The following HECW1 variants were observed in gnomAD, a reference collection of about 807,000 sequenced individuals.
The protein encoded by HECW1 is E3 ubiquitin-protein ligase HECW1.
Under a neutral mutation model 182.3 loss-of-function variants are expected in HECW1, and 61 were observed. That is an observed-to-expected ratio of 0.33 (90% confidence interval 0.27 to 0.41). The LOEUF (loss-of-function observed/expected upper bound fraction) is 0.41, where lower values mean the gene tolerates loss of function less well. Ranked by LOEUF, HECW1 falls within the 10% of genes least tolerant of loss-of-function variation. The probability of loss-of-function intolerance (pLI) is 1.00; values close to 1 mark genes in which losing one functional copy is unlikely to be tolerated. For synonymous variants in HECW1, 859 were observed against 832.6 expected, an observed-to-expected ratio of 1.03 and a Z score of -0.55; for missense variants, 1,739 against 2,108.9, an observed-to-expected ratio of 0.82 and a Z score of 3.44.
chr7:43,334,202 C>T (rs1206921457), intron 5 of HECW1, among the ~76,000 whole-genome samples: 3 of 152,170 alleles, frequency 2.0e-5, no homozygotes, highest in Non-Finnish European at 4.4e-5. Flanking sequence ...TTCTGTGCAT[C>T]TTATCTACCC....
At chr7:43,301,846 G>A (rs1806839019) in intron 3 of HECW1, among the ~76,000 whole-genome samples, 1 of 147,800 alleles carries the variant, frequency 6.8e-6, no homozygotes, top group Admixed American at 6.8e-5. Context: ...TTTCCTTCCA[G>A]CCTAGGCAAC....
At chr7:43,214,372 T>C (rs1179786664) in intron 2 of HECW1, among the ~76,000 whole-genome samples, 1 of 152,072 alleles carries the variant, frequency 6.6e-6, no homozygotes, top group Non-Finnish European at 1.5e-5. Context: ...AATATAAATA[T>C]CATAATAAAT....
chr7:43,158,345 A>C (rs1180685999), intron 2 of HECW1, among the ~76,000 whole-genome samples: 1 of 152,200 alleles, frequency 6.6e-6, no homozygotes, highest in Non-Finnish European at 1.5e-5. Context: ...GAATGCATTA[A>C]ATTTGTTTCT....
intron 24 of HECW1, chr7:43,512,182 C>G (rs1402108405): frequency 9.0e-6 from 2 of 223,352 alleles, no homozygotes; most frequent in Admixed American, 5.7e-5. Context: ...AACGGAGAAA[C>G]CAAAAGATTA....
intron 5 of HECW1, among the ~76,000 whole-genome samples, chr7:43,340,125 G>A (rs559614377): frequency 6.6e-6 from 1 of 151,986 alleles, no homozygotes; most frequent in East Asian, 1.9e-4. Context: ...GAAACATTTT[G>A]TTTTAAAATC....
intron 2 of HECW1, among the ~76,000 whole-genome samples, chr7:43,186,341 T>C (rs1388018343): frequency 6.6e-6 from 1 of 152,214 alleles, no homozygotes; most frequent in Non-Finnish European, 1.5e-5. Context: ...CAGTGAAAGA[T>C]GAACCTTGTG....
intron 3 of HECW1, among the ~76,000 whole-genome samples, chr7:43,251,633 T>C (rs1395201186): frequency 6.6e-6 from 1 of 152,208 alleles, no homozygotes; most frequent in African/African-American, 2.4e-5. Flanking sequence ...CTAGTTTCTT[T>C]CTACTTATTA....
chr7:43,117,558 C>T lies in HECW1; in HGVS notation c.-32+3167C>T, dbSNP rs569351509. Among the ~76,000 whole-genome samples, 94 of 152,104 alleles carry T rather than the reference C, an allele frequency of 6.2e-4. 1 individual carries two copies. The South Asian group carries it at 0.018, about 30-fold the overall frequency. On this transcript the variant is annotated intron_variant, in intron 2 of 29. Coordinates refer to ENST00000395891, the MANE Select transcript of HECW1 (RefSeq NM_015052.5). Reference sequence around the variant, plus strand: ...GACACAATGAGATATAGAAGCAGGTCGAATCTTTTAACGATATTGTTTATC... The same window carrying T: ...GACACAATGAGATATAGAAGCAGGTTGAATCTTTTAACGATATTGTTTATC...
chr7:43,428,762 A>C (rs2076439347), intron 8 of HECW1, among the ~76,000 whole-genome samples: 1 of 152,216 alleles, frequency 6.6e-6, no homozygotes, highest in Admixed American at 6.5e-5. Context: ...AAGTAGGCAC[A>C]AGAAGGTCAG....
chr7:43,444,529 C>G lies in HECW1; in HGVS notation c.1357C>G (p.Pro453Ala). 1 of 1,611,452 alleles carries G rather than the reference C, an allele frequency of 6.2e-7. No individual in the cohort carries two copies. The highest frequency in any genetic ancestry group is 8.5e-7 in the Non-Finnish European group (1 of 1,178,954). ...AQVQKDIQPA[P>A]SAEELAEQLD... ...GGTGCAAAAGGACATCCAGCCTGCCCCCAGTGCAGAAGAGCTGGCCGAGCA... is the reference window on the plus strand; with the variant it reads ...GGTGCAAAAGGACATCCAGCCTGCCGCCAGTGCAGAAGAGCTGGCCGAGCA... The change falls in exon 11 of 30, where the codon CCC becomes GCC. Residue 453 changes from proline (P) to alanine (A), a missense_variant. Physicochemically the swap from Pro to Ala is conservative, Grantham distance 27. Coordinates refer to ENST00000395891, the MANE Select transcript of HECW1 (RefSeq NM_015052.5). The surrounding 1 kb of genome is among the most constrained non-coding windows in gnomAD (Gnocchi z 4.3).
intron 3 of HECW1, among the ~76,000 whole-genome samples, chr7:43,289,742 G>T (rs1805146763): frequency 6.6e-6 from 1 of 152,230 alleles, no homozygotes; most frequent in Admixed American, 6.5e-5. Context: ...TCCTGAGAAA[G>T]TGTGGCCCAG....
rs547061760 is a variant in HECW1 at position 43,183,596 on chromosome 7, A to G, written c.-31-60279A>G. Among the ~76,000 whole-genome samples the G allele has an allele frequency of 5.3e-5, 8 of 152,296 alleles. 1 individual carries two copies. Among genetic ancestry groups the G allele is most frequent in the African/African-American group, 1.9e-4 (8 of 41,572 alleles). On this transcript the variant is annotated intron_variant, in intron 2 of 29. Coordinates refer to ENST00000395891, the MANE Select transcript of HECW1 (RefSeq NM_015052.5). ...TAGCACACAGTTTAAAAATAATAAA[A>G]TATAAAATCTTCTTTATATAAATTC...
At chr7:43,264,737 C>G (rs1378202909) in intron 3 of HECW1, among the ~76,000 whole-genome samples, 2 of 150,864 alleles carry the variant, frequency 1.3e-5, no homozygotes, top group South Asian at 2.1e-4. Flanking sequence ...TCAGTTACTC[C>G]GGTGGCTGAG....
intron 26 of HECW1, among the ~76,000 whole-genome samples, chr7:43,543,914 G>T (rs1167145016): frequency 1.3e-5 from 2 of 151,988 alleles, no homozygotes; most frequent in Non-Finnish European, 2.9e-5. Flanking sequence ...ATGCCCTATT[G>T]TAGAGGGTAA....
intron 2 of HECW1, among the ~76,000 whole-genome samples, chr7:43,209,891 T>G (rs974357927): frequency 2.0e-5 from 3 of 152,184 alleles, no homozygotes; most frequent in Non-Finnish European, 4.4e-5. Flanking sequence ...CGAGGTCATC[T>G]GCCGTGCCCA....
intron 3 of HECW1, among the ~76,000 whole-genome samples, chr7:43,280,644 T>C (rs1156587030): frequency 2.0e-5 from 3 of 152,126 alleles, no homozygotes; most frequent in Non-Finnish European, 4.4e-5. Context: ...CTCGTGATAA[T>C]CCCAGTACAA....
At chr7:43,173,980 G>A (rs1791962046) in intron 2 of HECW1, among the ~76,000 whole-genome samples, 1 of 152,032 alleles carries the variant, frequency 6.6e-6, no homozygotes, top group Admixed American at 6.6e-5. Flanking sequence ...TGGGACTACA[G>A]GCATGCACCA....
chr7:43,492,209 G>A (rs2078958719), intron 18 of HECW1, 29 bp downstream of exon 18: 2 of 1,497,050 alleles, frequency 1.3e-6, no homozygotes, highest in East Asian at 2.3e-5. Context: ...TGAGCCCCTG[G>A]CTCAAAGAAT....
rs75913026 is a variant in HECW1 at position 43,157,711 on chromosome 7, C to G, written c.-32+43320C>G. Among the ~76,000 whole-genome samples, 663 of 152,270 alleles carry G rather than the reference C, an allele frequency of 4.4e-3. 2 individuals are homozygous for G. The highest frequency in any genetic ancestry group is 0.015 in the African/African-American group (635 of 41,546). On this transcript the variant is annotated intron_variant, in intron 2 of 29. Transcript: ENST00000395891. ...GAGTAGCTGGTACTATAGGCACATG[C>G]CACCAAACCTGGCTAATTTTTCTAT... is the stretch of plus-strand genomic sequence containing the variant.
Sources: allele counts gnomAD v4.1 joint callset (sites outside exome capture counted in the v4.1 genomes callset), GRCh38; gene constraint gnomAD v4.1.1; non-coding constraint Gnocchi (gnomAD v3.1); transcripts MANE v1.5; gene names NCBI Gene and HGNC (gene_info 2026-07-23, HGNC 2026-07-21).